CCDC60: variants seen among roughly 807,000 people sequenced by gnomAD.
CCDC60 encodes coiled-coil domain containing 60.
In CCDC60, 54 loss-of-function variants were observed where a neutral mutation model predicts 63.5. The observed-to-expected ratio is 0.85, with a 90% confidence interval of 0.68 to 1.07. The LOEUF is 1.07. CCDC60 is among the 50% of genes least tolerant of loss of function. The pLI, the probability that CCDC60 is intolerant of heterozygous loss-of-function variation, is 0.00. For synonymous variants in CCDC60, 206 were observed against 238.8 expected (o/e 0.86, Z 1.27); for missense variants, 651 against 684.3 (o/e 0.95, Z 0.54).
At chr12:119,407,498 C>T (rs1956515897) in intron 1 of CCDC60, among the ~76,000 whole-genome samples, 1 of 152,158 alleles carries the variant, frequency 6.6e-6, no homozygotes, top group Non-Finnish European at 1.5e-5. Flanking sequence ...TGCCACTGCA[C>T]TCCAGTCTGG....
At chr12:119,537,643 G>A (rs1953042723) in intron 13 of CCDC60, among the ~76,000 whole-genome samples, 1 of 152,198 alleles carries the variant, frequency 6.6e-6, no homozygotes, top group Non-Finnish European at 1.5e-5. Context: ...CTTTCTGTTT[G>A]TTAGTTTTCC....
At chr12:119,506,285 T>C (rs1266318424) in intron 7 of CCDC60, among the ~76,000 whole-genome samples, 1 of 151,808 alleles carries the variant, frequency 6.6e-6, no homozygotes, top group Non-Finnish European at 1.5e-5. Context: ...TGGCTCAAAA[T>C]ATGAGGGAGA....
intron 13 of CCDC60, among the ~76,000 whole-genome samples, chr12:119,536,406 C>A (rs1477519887): frequency 6.6e-6 from 1 of 152,116 alleles, no homozygotes; most frequent in South Asian, 2.1e-4. Context: ...GGTATTTAGC[C>A]CATTTACGTT....
intron 1 of CCDC60, among the ~76,000 whole-genome samples, chr12:119,363,627 C>T (rs1040490908): frequency 2.1e-4 from 32 of 152,170 alleles, no homozygotes; most frequent in Non-Finnish European, 4.1e-4. Flanking sequence ...TCTATCCAGG[C>T]ATTCATACAT....
intron 1 of CCDC60, among the ~76,000 whole-genome samples, chr12:119,338,635 C>T (rs1384828200): frequency 2.0e-5 from 3 of 152,182 alleles, no homozygotes; most frequent in Non-Finnish European, 4.4e-5. Flanking sequence ...CCCAGCACCA[C>T]AGGGGCTACA....
chr12:119,448,487 G>T (rs147288305), intron 2 of CCDC60, among the ~76,000 whole-genome samples: 2 of 152,258 alleles, frequency 1.3e-5, no homozygotes, highest in African/African-American at 4.8e-5. Flanking sequence ...CCCATGTGAG[G>T]CTTCAGAGAC....
At chr12:119,391,096 G>A (rs1956149800) in intron 1 of CCDC60, among the ~76,000 whole-genome samples, 2 of 152,158 alleles carry the variant, frequency 1.3e-5, no homozygotes, top group African/African-American at 4.8e-5. Context: ...TGTGAGGGGA[G>A]GATTTGAGGA....
intron 2 of CCDC60, among the ~76,000 whole-genome samples, chr12:119,443,126 T>C (rs950731888): frequency 4.6e-5 from 7 of 152,250 alleles, no homozygotes; most frequent in Non-Finnish European, 8.8e-5. Flanking sequence ...GGATTCTTTA[T>C]TTAAAGTCTT....
At chr12:119,524,481 A>C in intron 11 of CCDC60, 3 of 980,838 alleles carry the variant, frequency 3.1e-6, no homozygotes, top group Non-Finnish European at 3.6e-6. Context: ...TCTCATTTTC[A>C]CAGCACTAAT....
intron 11 of CCDC60, among the ~76,000 whole-genome samples, chr12:119,526,030 G>C (rs1422688751): frequency 6.6e-6 from 1 of 152,190 alleles, no homozygotes; most frequent in African/African-American, 2.4e-5. Context: ...CAAGGTGACA[G>C]TGACCAAAAC....
intron 7 of CCDC60, among the ~76,000 whole-genome samples, chr12:119,514,989 G>A (rs897673632): frequency 8.5e-5 from 13 of 152,216 alleles, no homozygotes; most frequent in Non-Finnish European, 1.9e-4. Flanking sequence ...ATGCTGTACA[G>A]GTTTGTGGCC....
chr12:119,522,273 G>C (rs150650513), intron 9 of CCDC60, among the ~76,000 whole-genome samples: 2 of 152,198 alleles, frequency 1.3e-5, no homozygotes, highest in Admixed American at 6.5e-5. Context: ...AGGCATGAAG[G>C]GGGTGGTGGG....
chr12:119,387,790 T>C (rs542648185), intron 1 of CCDC60, among the ~76,000 whole-genome samples: 289 of 152,364 alleles, frequency 1.9e-3, no homozygotes, highest in South Asian at 3.5e-3. Flanking sequence ...TCCATAGTGT[T>C]ACTGAATCAC....
At chr12:119,412,595 A>T (rs7973138) in intron 1 of CCDC60, among the ~76,000 whole-genome samples, 415 of 152,340 alleles carry the variant, frequency 2.7e-3, no homozygotes, top group African/African-American at 9.5e-3. Context: ...CCAACAGGAT[A>T]CGTTTAAACT....
chr12:119,428,849 T>C, intron 2 of CCDC60, 87 bp downstream of exon 2: 1 of 802,674 alleles, frequency 1.2e-6, no homozygotes, highest in African/African-American at 1.7e-5. Flanking sequence ...CCTTGCCCAG[T>C]CCCAGCATCC....
At chr12:119,356,269 CT>C (rs889905875) in intron 1 of CCDC60, among the ~76,000 whole-genome samples, 1 of 152,182 alleles carries the variant, frequency 6.6e-6, no homozygotes, top group Non-Finnish European at 1.5e-5. Flanking sequence ...CTTTGAATAT[CT>C]GAGATGAGGT....
intron 7 of CCDC60, among the ~76,000 whole-genome samples, chr12:119,508,747 T>C (rs1462477551): frequency 6.6e-6 from 1 of 152,176 alleles, no homozygotes; most frequent in Non-Finnish European, 1.5e-5. Flanking sequence ...AGAGGAAGTA[T>C]CTGGAAAGTT....
chr12:119,447,270 T>C (rs1451351334), intron 2 of CCDC60, among the ~76,000 whole-genome samples: 13 of 152,118 alleles, frequency 8.5e-5, no homozygotes, highest in Admixed American at 8.5e-4. Context: ...AAGGGAAGCT[T>C]TGACAACACC....
At chr12:119,488,696 T>A (rs1163430561) in intron 4 of CCDC60, 63 bp from the exon 5 acceptor site, 1 of 1,400,984 alleles carries the variant, frequency 7.1e-7, no homozygotes, top group African/African-American at 1.4e-5. Flanking sequence ...TTTCTGTGGC[T>A]ATTTTTGCGA....
Sources: allele counts gnomAD v4.1 joint callset (sites outside exome capture counted in the v4.1 genomes callset), GRCh38; gene constraint gnomAD v4.1.1; transcripts MANE v1.5; gene names NCBI Gene and HGNC (gene_info 2026-07-23, HGNC 2026-07-21).